The following CFAP61 variants were observed in gnomAD, a reference collection of about 807,000 sequenced individuals.
The protein encoded by CFAP61 is cilia and flagella associated protein 61, also known as cilia- and flagella-associated protein 61.
CFAP61 carries 107 observed loss-of-function variants against 135.6 expected under a neutral mutation model. The observed-to-expected ratio is 0.79, with a 90% CI of 0.67 to 0.93. The LOEUF (loss-of-function observed/expected upper bound fraction) is 0.93, where lower values mean the gene tolerates loss of function less well. Among genes scored for constraint, CFAP61 ranks in the 40% least tolerant of loss-of-function variants. The probability of loss-of-function intolerance (pLI) is 0.00; values close to 1 mark genes in which losing one functional copy is unlikely to be tolerated. For missense variants in CFAP61, 1,507 were observed against 1,556.2 expected (o/e 0.97, Z 0.53); for synonymous variants, 575 against 578.5 (o/e 0.99, Z 0.09).
chr20:20,074,319 C>T lies in CFAP61; in HGVS notation c.312C>T (p.Phe104=), dbSNP rs1488253092. 1.1e-5 allele frequency: 18 copies of T among 1,614,040 alleles called. No individual in the cohort carries two copies. The highest frequency in any genetic ancestry group is 1.5e-5 in the Non-Finnish European group (18 of 1,180,000). ...DIPCTPLNTL[F]MHLFVAVDEY... ...TTCTGCAGCCCCTGAATACGTTGTT[C>T]ATGCACCTCTTTGTGGCCGTGGATG... The change falls in exon 4 of 27, where the codon TTC becomes TTT. Residue 104 remains phenylalanine (F), a synonymous_variant. Coordinates refer to ENST00000245957, the MANE Select transcript of CFAP61 (RefSeq NM_015585.4).
At chr20:20,316,505 T>C (rs1025977031) in intron 25 of CFAP61, among the ~76,000 whole-genome samples, 8 of 151,456 alleles carry the variant, frequency 5.3e-5, no homozygotes, top group Admixed American at 2.0e-4. Flanking sequence ...TTTGACTTCC[T>C]CTTTTCCTAA....
At chr20:20,189,807 A>G (rs1050121675) in intron 14 of CFAP61, among the ~76,000 whole-genome samples, 2 of 152,086 alleles carry the variant, frequency 1.3e-5, no homozygotes, top group African/African-American at 4.8e-5. Flanking sequence ...TTATTTGTTT[A>G]TTTTGAGACA....
chr20:20,152,898 AC>A (rs2052575358), intron 9 of CFAP61, among the ~76,000 whole-genome samples: 2 of 152,160 alleles, frequency 1.3e-5, no homozygotes, highest in Non-Finnish European at 2.9e-5. Flanking sequence ...AACATTCAAT[AC>A]CCAACAACTG....
chr20:20,270,336 A>G (rs907500076), intron 21 of CFAP61, among the ~76,000 whole-genome samples: 1 of 152,190 alleles, frequency 6.6e-6, no homozygotes, highest in Non-Finnish European at 1.5e-5. Flanking sequence ...TGACCATGAA[A>G]TGACAGCAGA....
chr20:20,235,866 A>T (rs1052326226), intron 18 of CFAP61, among the ~76,000 whole-genome samples: 22 of 152,226 alleles, frequency 1.4e-4, no homozygotes, highest in Admixed American at 7.9e-4. Flanking sequence ...GTTGCTGGGG[A>T]GTGGGAAGAC....
chr20:20,245,620 G>C (rs1046078551), intron 18 of CFAP61, among the ~76,000 whole-genome samples: 1 of 152,132 alleles, frequency 6.6e-6, no homozygotes, highest in East Asian at 1.9e-4. Context: ...AATGGTCTTC[G>C]CAAATTACTT....
Position 20,056,614 on chromosome 20 carries a change from A to G in CFAP61, c.-36-4A>G, listed in dbSNP as rs767516455. The G allele has an allele frequency of 1.4e-5, 23 of 1,604,732 alleles. No individual in the cohort carries two copies. In the East Asian group the frequency reaches 4.2e-4, roughly 30 times the overall value. The stretch of plus-strand genomic sequence containing the variant: ...CAAACTGGCTTATCATATCAGATTA[A>G]TAGTGGACTTTTTTCTCTCTTTTGG... On this transcript the variant is annotated splice_region_variant and splice_polypyrimidine_tract_variant and intron_variant, in intron 1 of 26. Coordinates refer to ENST00000245957, the MANE Select transcript of CFAP61 (RefSeq NM_015585.4).
At chr20:20,135,740 C>T (rs1465800334) in intron 8 of CFAP61, among the ~76,000 whole-genome samples, 1 of 152,064 alleles carries the variant, frequency 6.6e-6, no homozygotes, top group Non-Finnish European at 1.5e-5. Context: ...TATTTTTGAT[C>T]TTTTCATCTT....
chr20:20,318,272 C>A lies in CFAP61; in HGVS notation c.3422+19886C>A, dbSNP rs150763088. On this transcript the variant is annotated intron_variant, in intron 25 of 26. Coordinates refer to ENST00000245957, the MANE Select transcript of CFAP61 (RefSeq NM_015585.4). ...TAGGCCTGTATTGCAACAGCTCAAT[C>A]TGCAGCACACTAAGTAGGAAGAGAT... 1.2e-3 allele frequency among the ~76,000 whole-genome samples: 184 copies of A among 152,342 alleles called. 1 individual carries two copies. The highest frequency in any genetic ancestry group is 4.1e-3 in the African/African-American group (172 of 41,576).
chr20:20,245,673 G>C (rs2050395243), intron 18 of CFAP61, among the ~76,000 whole-genome samples: 1 of 152,142 alleles, frequency 6.6e-6, no homozygotes, highest in Non-Finnish European at 1.5e-5. Flanking sequence ...TAGTATTACT[G>C]ACCTGACTGG....
intron 8 of CFAP61, among the ~76,000 whole-genome samples, chr20:20,129,565 C>T (rs1297517438): frequency 6.7e-6 from 1 of 149,844 alleles, no homozygotes; most frequent in Non-Finnish European, 1.5e-5. Context: ...CTGTTTGATG[C>T]TCTCTCATCT....
intron 2 of CFAP61, among the ~76,000 whole-genome samples, chr20:20,057,390 TTAA>T (rs1185230540): frequency 6.6e-6 from 1 of 152,132 alleles, no homozygotes; most frequent in Non-Finnish European, 1.5e-5. Flanking sequence ...TTAAAACAAG[TTAA>T]TAATATTAGC....
chr20:20,336,404 T>C (rs1447306128), intron 25 of CFAP61, among the ~76,000 whole-genome samples: 2 of 152,076 alleles, frequency 1.3e-5, no homozygotes, highest in Non-Finnish European at 2.9e-5. Flanking sequence ...GAGGATTACT[T>C]GAGGCTAGGA....
chr20:20,291,616 A>G (rs367864505), intron 24 of CFAP61, among the ~76,000 whole-genome samples: 2 of 152,204 alleles, frequency 1.3e-5, no homozygotes, highest in South Asian at 2.1e-4. Context: ...GCATCGATAG[A>G]TAACTGAAAT....
intron 17 of CFAP61, among the ~76,000 whole-genome samples, chr20:20,201,841 T>C (rs1254338192): frequency 6.6e-6 from 1 of 152,204 alleles, no homozygotes; most frequent in African/African-American, 2.4e-5. Context: ...AGCCCACGGC[T>C]CCTGCACCTT....
At chr20:20,253,074 TC>T (rs1372595864) in intron 20 of CFAP61, among the ~76,000 whole-genome samples, 1 of 152,186 alleles carries the variant, frequency 6.6e-6, no homozygotes. Context: ...TGCACATGAA[TC>T]CCCTGAGCTT....
chr20:20,351,491 A>G (rs2058834543), intron 26 of CFAP61, among the ~76,000 whole-genome samples: 1 of 151,916 alleles, frequency 6.6e-6, no homozygotes, highest in South Asian at 2.1e-4. Context: ...CTGAGGCAGG[A>G]GAATCTCTTG....
intron 17 of CFAP61, chr20:20,225,614 C>T (rs755019589): frequency 2.6e-5 from 4 of 152,194 alleles, no homozygotes; most frequent in Non-Finnish European, 5.9e-5. Context: ...TGGAGAATTT[C>T]ATTACTGCCC....
At chr20:20,105,190 A>T (rs1193649678) in intron 8 of CFAP61, among the ~76,000 whole-genome samples, 6 of 152,066 alleles carry the variant, frequency 3.9e-5, no homozygotes, top group Non-Finnish European at 8.8e-5. Context: ...GCACCCACCC[A>T]ACCTTCTGTG....
Sources: gnomAD v4.1 joint callset for allele counts (sites outside exome capture counted in the v4.1 genomes callset) on GRCh38, gnomAD v4.1.1 for gene constraint, MANE v1.5 for transcripts, NCBI Gene and HGNC (gene_info 2026-07-23, HGNC 2026-07-21) for gene names.